ACTR8: variants seen among roughly 807,000 people sequenced by gnomAD.
The protein encoded by ACTR8 is actin related protein 8, also known as actin-related protein 8.
In ACTR8, 70 loss-of-function variants were observed where a neutral mutation model predicts 84.3. The ratio of observed to expected loss-of-function variants is 0.83; its 90% CI spans 0.68 to 1.01. ACTR8 has a LOEUF of 1.01. ACTR8 is among the 50% of genes least tolerant of loss of function. The pLI is 0.00. For synonymous variants in ACTR8, 268 were observed against 275.2 expected, an observed-to-expected ratio of 0.97 and a Z score of 0.26; for missense variants, 672 against 775.4, an observed-to-expected ratio of 0.87 and a Z score of 1.58.
chr3:53,861,576 GATTT>G, the ACTR8 span: 1 of 152,152 alleles, frequency 6.6e-6, no homozygotes, highest in African/African-American at 2.4e-5. Context: ...ACTCTAATAT[GATTT>G]GAGAAAAAGC....
chr3:53,879,064 G>C (rs892324003), intron 2 of ACTR8, among the ~76,000 whole-genome samples: 4 of 152,150 alleles, frequency 2.6e-5, no homozygotes, highest in African/African-American at 7.2e-5. Flanking sequence ...TGATCAGCAA[G>C]GCTTAAACTT....
At chr3:53,880,258 G>A (rs1026691338) in intron 1 of ACTR8, 149 bp from the exon 2 acceptor site, 16 of 761,170 alleles carry the variant, frequency 2.1e-5, no homozygotes, top group African/African-American at 8.8e-5. Context: ...TCCAATTACC[G>A]CTCTCTACCT....
chr3:53,864,993 T>A (rs756335321), downstream of ACTR8: 2 of 1,614,156 alleles, frequency 1.2e-6, no homozygotes, highest in South Asian at 2.2e-5. Flanking sequence ...TTCTTTCCAA[T>A]GACGTCAACA....
At position 53,875,809 on chromosome 3, in the gene ACTR8, A is replaced by G. The variant is rs370967305; in HGVS notation, c.911+139T>C. On this transcript the variant is annotated intron_variant, in intron 7 of 12. Transcript: ENST00000335754. The stretch of plus-strand genomic sequence containing the variant: ...TAGCCTTGCTAGAATATGCACTTCC[A>G]TAATCTTGCTGGTTTACCATGCAGA... The G allele has an allele frequency of 2.3e-6, 3 of 1,307,932 alleles. No homozygotes were observed. The Admixed American group carries it at 7.2e-5, about 31-fold the overall frequency. The allele number at this position is 1,307,932 out of a possible 1,614,324, so 81.0% of individuals were successfully genotyped here.
rs1700075358 is a variant in ACTR8, at chr3:53,882,092, C to T, written c.10G>A (p.Ala4Thr). 1 of 1,551,456 alleles carries T rather than the reference C, an allele frequency of 6.4e-7. No individual in the cohort carries two copies. Among genetic ancestry groups the T allele is most frequent in the South Asian group, 1.2e-5 (1 of 84,066 alleles). ...CCGTTCTCCGTATCACCCTTCTCAG[C>T]CTGGGTCATTATGGCCGGAGACACC... Reference protein sequence around the residue: MTQAEKGDTENGKE... With the variant: MTQTEKGDTENGKE... The change falls in exon 1 of 13, where the codon GCT becomes ACT. Residue 4 changes from alanine to threonine, a missense_variant. Transcript: ENST00000335754.
chr3:53,874,188 A>G (rs773720066), intron 8 of ACTR8, 23 bp downstream of exon 8: 2 of 1,582,748 alleles, frequency 1.3e-6, no homozygotes, highest in Non-Finnish European at 1.7e-6. Flanking sequence ...AAAAATAATC[A>G]GCAATATTGA....
Position 53,876,607 on chromosome 3 carries a change from A to G in ACTR8, c.778+13T>C, listed in dbSNP as rs1699977604. ...TCCATTTAAAATAGGTTTCACTGGG[A>G]TATCAGACATACCTGAAAAACCCAT... is the stretch of plus-strand genomic sequence containing the variant. On this transcript the variant is annotated intron_variant, in intron 6 of 12. Coordinates refer to ENST00000335754, the MANE Select transcript of ACTR8 (RefSeq NM_022899.5). 3 of 1,443,842 alleles carry G rather than the reference A, an allele frequency of 2.1e-6. No individual in the cohort carries two copies. Among genetic ancestry groups the G allele is most frequent in the Admixed American group, 1.8e-5 (1 of 54,516 alleles). The allele number at this position is 1,443,842 out of a possible 1,614,324, so 89.4% of individuals were successfully genotyped here.
At position 53,870,225 on chromosome 3, in the gene ACTR8, G is replaced by C; in HGVS notation, c.1568-80C>G. The C allele has an allele frequency of 2.0e-6, 3 of 1,513,782 alleles. No homozygotes were observed. In the South Asian group the frequency reaches 3.7e-5, roughly 19 times the overall value. The allele number at this position is 1,513,782 out of a possible 1,614,324, so 93.8% of individuals were successfully genotyped here. A position where few individuals can be genotyped will look rare whatever the true frequency, so the allele number is the denominator to read the frequency against. ...GCCAAGCCACCAACACCTCTTGCTT[G>C]AGCAAGTGCAATAGCCTTCTCAAAG... On this transcript the variant is annotated intron_variant, in intron 11 of 12. Coordinates refer to ENST00000335754, the MANE Select transcript of ACTR8 (RefSeq NM_022899.5). This position sits in a 1 kb window ranked among gnomAD's most constrained non-coding sequence, Gnocchi z 4.1.
In ACTR8 at chr3:53,870,089, A is replaced by G. The variant is rs760163851; in HGVS notation, c.1624T>C (p.Leu542=). 2.4e-5 allele frequency: 39 copies of G among 1,614,110 alleles called. No homozygotes were observed. Among genetic ancestry groups the G allele is most frequent in the Non-Finnish European group, 3.1e-5 (36 of 1,180,048 alleles). The part of the protein sequence containing the change: ...YSSILVVGGG[L]MFHKAQEFLQ... ...AATTCTTGAGCTTTATGAAACATCA[A>G]ACCACCTCCCACCACTAGGATGGAG... Residue 542 remains leucine (L), a synonymous_variant, in exon 12 of 13, where the codon TTG becomes CTG. Transcript: ENST00000335754. This position sits in a 1 kb window ranked among gnomAD's most constrained non-coding sequence, Gnocchi z 4.1.
intron 6 of ACTR8, 67 bp downstream of exon 6, chr3:53,876,553 G>A (rs749725651): frequency 5.6e-5 from 50 of 891,360 alleles, no homozygotes; most frequent in East Asian, 1.8e-4. Flanking sequence ...CAGTAAATAA[G>A]ATTAACTCTG....
downstream of ACTR8, chr3:53,865,113 T>A: frequency 6.2e-7 from 1 of 1,614,200 alleles, no homozygotes; most frequent in Non-Finnish European, 8.5e-7. Flanking sequence ...GAAGCCAGAT[T>A]CATCTGCACA....
At chr3:53,873,264 AT>A (rs1337369836) in intron 8 of ACTR8, 137 bp from the exon 9 acceptor site, 2 of 494,538 alleles carry the variant, frequency 4.0e-6, no homozygotes, top group African/African-American at 3.8e-5. Flanking sequence ...TCACACTATA[AT>A]TTAGTAAAAT....
In ACTR8 at chr3:53,877,645, A is replaced by G. The variant is rs1381676693; in HGVS notation, c.510+2T>C. 2 of 1,610,374 alleles carry G rather than the reference A, an allele frequency of 1.2e-6. No homozygotes were observed. Among genetic ancestry groups the G allele is most frequent in the Admixed American group, 3.4e-5 (2 of 59,582 alleles). Reference sequence around the variant, plus strand: ...TCATTCTATTGTAAAGAAGTTTCTTACCTCTTCTCCTACTAAATACTCAGG... The same window carrying G: ...TCATTCTATTGTAAAGAAGTTTCTTGCCTCTTCTCCTACTAAATACTCAGG... On this transcript the variant is annotated splice_donor_variant, in intron 4 of 12. Coordinates refer to ENST00000335754, the MANE Select transcript of ACTR8 (RefSeq NM_022899.5). LOFTEE classifies it high-confidence loss of function.
the ACTR8 span, chr3:53,859,155 G>A: frequency 1.5e-5 from 3 of 203,324 alleles, no homozygotes; most frequent in African/African-American, 6.9e-5. Context: ...ATATGAGAAT[G>A]AATATTTCAC....
In ACTR8 at chr3:53,867,131, T is replaced by C. The variant is rs545010864; in HGVS notation, c.*1588A>G. ...TCACAGTGCTTGTAAGTGCTGGTAATAGAAGATGGACATGGTTTAGGTCAA... is the reference window on the plus strand; with the variant it reads ...TCACAGTGCTTGTAAGTGCTGGTAACAGAAGATGGACATGGTTTAGGTCAA... On this transcript the variant is annotated 3_prime_UTR_variant, in exon 13 of 13. Transcript: ENST00000335754. 4.1e-4 allele frequency: 62 copies of C among 152,352 alleles called. No homozygotes were observed. The highest frequency in any genetic ancestry group is 7.8e-4 in the Admixed American group (12 of 15,310). The allele number at this position is 152,352 out of a possible 1,614,324, so 9.4% of individuals were successfully genotyped here. A position where few individuals can be genotyped will look rare whatever the true frequency, so the allele number is the denominator to read the frequency against.
rs887180846 is a variant in ACTR8, at chr3:53,867,072, G to A, written c.*1647C>T. ...TAATGGCTGAGGCAATATGTTTAAT[G>A]TAGCAAATTTTACTTATTTGTCATG... On this transcript the variant is annotated 3_prime_UTR_variant, in exon 13 of 13. Coordinates refer to ENST00000335754, the MANE Select transcript of ACTR8 (RefSeq NM_022899.5). 6.6e-6 allele frequency: 1 copy of A among 152,220 alleles called. No individual in the cohort carries two copies. Among genetic ancestry groups the A allele is most frequent in the Non-Finnish European group, 1.5e-5 (1 of 68,046 alleles). 9.4% of individuals were successfully genotyped at this position (152,220 alleles called of 1,614,324 possible).
chr3:53,873,667 C>T (rs1699922603), intron 8 of ACTR8, among the ~76,000 whole-genome samples: 1 of 152,136 alleles, frequency 6.6e-6, no homozygotes, highest in African/African-American at 2.4e-5. Flanking sequence ...GAGAAATTTG[C>T]TAAACTTGTT....
downstream of ACTR8, among the ~76,000 whole-genome samples, chr3:53,862,542 G>A (rs79255962): frequency 0.031 from 4,656 of 152,256 alleles, 81 homozygotes; most frequent in Non-Finnish European, 0.047. Context: ...CAAAAAAGGT[G>A]GGGGGTGAAG....
chr3:53,864,466 C>T (rs528952282), downstream of ACTR8, among the ~76,000 whole-genome samples: 10 of 151,802 alleles, frequency 6.6e-5, no homozygotes, highest in East Asian at 5.8e-4. Flanking sequence ...ACCCAGGAGG[C>T]GGAGGTTGTA....
Sources: allele counts gnomAD v4.1 joint callset (sites outside exome capture counted in the v4.1 genomes callset), GRCh38; gene constraint gnomAD v4.1.1; non-coding constraint Gnocchi (gnomAD v3.1); transcripts MANE v1.5; gene names NCBI Gene and HGNC (gene_info 2026-07-23, HGNC 2026-07-21).